Variants in ASRGL1 observed in about 807,000 individuals in gnomAD.
The protein encoded by ASRGL1 is asparaginase and isoaspartyl peptidase 1.
A neutral mutation model predicts 22.4 loss-of-function variants in ASRGL1; 16 were observed. The observed-to-expected ratio is 0.71, with a 90% CI of 0.48 to 1.08. The LOEUF (loss-of-function observed/expected upper bound fraction) is 1.08. Ranked by LOEUF, ASRGL1 falls within the 50% of genes least tolerant of loss-of-function variation. The pLI is 0.00. For missense variants in ASRGL1, 412 were observed against 410.1 expected (o/e 1.00, Z -0.04); for synonymous variants, 165 against 159.3 (o/e 1.04, Z -0.27).
intron 5 of ASRGL1, among the ~76,000 whole-genome samples, chr11:62,391,030 C>G (rs1041058789): frequency 1.3e-5 from 2 of 152,234 alleles, no homozygotes; most frequent in Admixed American, 6.5e-5. Flanking sequence ...ATAGTTCCCT[C>G]AGGTCCAATT....
At position 62,357,574 on chromosome 11, in the gene ASRGL1, T is replaced by C. The variant is rs142829311; in HGVS notation, c.491+430T>C. 4.4e-3 allele frequency among the ~76,000 whole-genome samples: 676 copies of C among 152,128 alleles called. 10 individuals are homozygous for C. Among genetic ancestry groups the C allele is most frequent in the African/African-American group, 0.016 (650 of 41,506 alleles). On this transcript the variant is annotated intron_variant, in intron 4 of 6. Transcript: ENST00000415229. ...ACCGAGCCCAGCCTCTGACATGATT[T>C]AGTAGAAGAATTTCACGTATTAATG...
chr11:62,364,623 A>G (rs1268846822), intron 4 of ASRGL1, among the ~76,000 whole-genome samples: 2 of 152,252 alleles, frequency 1.3e-5, no homozygotes, highest in East Asian at 3.8e-4. Context: ...AAGAATGGAT[A>G]AAGTATAATG....
At chr11:62,386,410 C>G (rs1329352537) in intron 4 of ASRGL1, among the ~76,000 whole-genome samples, 1 of 69,046 alleles carries the variant, frequency 1.4e-5, no homozygotes, top group Non-Finnish European at 4.5e-5. Context: ...TTGTTAATCT[C>G]TTACTGTGCC....
chr11:62,346,968 C>CA (rs35854084), intron 2 of ASRGL1, among the ~76,000 whole-genome samples: 35 of 133,690 alleles, frequency 2.6e-4, no homozygotes, highest in East Asian at 6.6e-4. Flanking sequence ...GACTCCGTCT[C>CA]AAAAAAAAAA....
chr11:62,373,013 C>T, intron 4 of ASRGL1: 1 of 1,384,104 alleles, frequency 7.2e-7, no homozygotes. Context: ...ATCACAAGCC[C>T]AAGTCTTCCA....
chr11:62,351,479 G>A (rs948659234), intron 2 of ASRGL1, among the ~76,000 whole-genome samples: 20 of 151,888 alleles, frequency 1.3e-4, no homozygotes, highest in Non-Finnish European at 2.6e-4. Context: ...GTGAAACGCC[G>A]TCCCTACTAA....
In ASRGL1 at chr11:62,384,035, CGT is replaced by C. The variant is rs141968496; in HGVS notation, c.492-5081_492-5080del. On this transcript the variant is annotated intron_variant, in intron 4 of 6. Coordinates refer to ENST00000415229, the MANE Select transcript of ASRGL1 (RefSeq NM_001083926.2). ...GCATGTGTGTGTGTGCACGTGTGTG[CGT>C]GTGTGTGTGTGTGTGTTTGCCATTC... is the stretch of plus-strand genomic sequence containing the variant. Among the ~76,000 whole-genome samples the C allele has an allele frequency of 5.6e-3, 834 of 150,158 alleles. 11 individuals are homozygous for C. The highest frequency in any genetic ancestry group is 0.017 in the African/African-American group (693 of 40,924).
intron 2 of ASRGL1, among the ~76,000 whole-genome samples, chr11:62,342,292 C>T (rs1945884170): frequency 6.6e-6 from 1 of 152,112 alleles, no homozygotes; most frequent in African/African-American, 2.4e-5. Flanking sequence ...TTGCTTGGAC[C>T]AGTATAAGCC....
chr11:62,373,673 G>T (rs1437944597), intron 4 of ASRGL1, among the ~76,000 whole-genome samples: 1 of 152,250 alleles, frequency 6.6e-6, no homozygotes, highest in African/African-American at 2.4e-5. Context: ...AAGCATCCGG[G>T]TCACTCCTTT....
At chr11:62,356,666 C>T (rs1946304630) in intron 3 of ASRGL1, among the ~76,000 whole-genome samples, 199 bp downstream of exon 3, 1 of 152,184 alleles carries the variant, frequency 6.6e-6, no homozygotes, top group African/African-American at 2.4e-5. Context: ...ATTACTTTAT[C>T]TTCCTGTATT....
chr11:62,373,811 G>A (rs773017053), intron 4 of ASRGL1, among the ~76,000 whole-genome samples: 1 of 152,240 alleles, frequency 6.6e-6, no homozygotes, highest in African/African-American at 2.4e-5. Flanking sequence ...TGGGGGATTG[G>A]GGATCTGTGT....
chr11:62,372,603 C>A, intron 4 of ASRGL1: 1 of 871,124 alleles, frequency 1.1e-6, no homozygotes, highest in Non-Finnish European at 2.0e-6. Context: ...TATGGTTATG[C>A]GAGACGTGGC....
rs115401235 is a variant in ASRGL1 at position 62,344,786 on chromosome 11, A to G, written c.190+6619A>G. 4.6e-3 allele frequency among the ~76,000 whole-genome samples: 705 copies of G among 152,340 alleles called. 9 individuals carry two copies. Among genetic ancestry groups the G allele is most frequent in the African/African-American group, 0.016 (670 of 41,570 alleles). ...AAGATGTATAGCTAAATTATCGACTATAGTCACTGTTGTGCTATCAAATAC... is the reference window on the plus strand; with the variant it reads ...AAGATGTATAGCTAAATTATCGACTGTAGTCACTGTTGTGCTATCAAATAC... On this transcript the variant is annotated intron_variant, in intron 2 of 6. Transcript: ENST00000415229.
intron 2 of ASRGL1, among the ~76,000 whole-genome samples, chr11:62,347,944 C>T (rs1946070731): frequency 6.6e-6 from 1 of 152,070 alleles, no homozygotes; most frequent in Non-Finnish European, 1.5e-5. Context: ...AAAAAATTGC[C>T]TTTGCAAAAT....
chr11:62,400,820 C>T, the ASRGL1 span, among the ~76,000 whole-genome samples: 2 of 152,162 alleles, frequency 1.3e-5, no homozygotes, highest in African/African-American at 2.4e-5. Context: ...TGGGTCACAA[C>T]CAGTTAAGTG....
chr11:62,377,398 A>G (rs1946957711), intron 4 of ASRGL1, among the ~76,000 whole-genome samples: 1 of 152,198 alleles, frequency 6.6e-6, no homozygotes, highest in African/African-American at 2.4e-5. Context: ...ATCTGATACA[A>G]TATTAATAGG....
At chr11:62,351,889 G>A (rs944799068) in intron 2 of ASRGL1, among the ~76,000 whole-genome samples, 1 of 152,036 alleles carries the variant, frequency 6.6e-6, no homozygotes, top group Non-Finnish European at 1.5e-5. Flanking sequence ...GCCCATGGTC[G>A]TCTCAAACTC....
At chr11:62,391,833 C>A in intron 6 of ASRGL1, 1 of 756,020 alleles carries the variant, frequency 1.3e-6, no homozygotes, top group Non-Finnish European at 2.1e-6. Flanking sequence ...TTATCTTCCA[C>A]ATCTCAGGAG....
chr11:62,357,778 A>G (rs1449832551), intron 4 of ASRGL1, among the ~76,000 whole-genome samples: 4 of 152,216 alleles, frequency 2.6e-5, no homozygotes, highest in African/African-American at 9.6e-5. Context: ...AGATTTTGAA[A>G]TCCTAAATAA....
Sources: gnomAD v4.1 joint callset for allele counts (sites outside exome capture counted in the v4.1 genomes callset) on GRCh38, gnomAD v4.1.1 for gene constraint, MANE v1.5 for transcripts, NCBI Gene and HGNC (gene_info 2026-07-23, HGNC 2026-07-21) for gene names.